The following RASSF8 variants were observed in gnomAD, a reference collection of about 807,000 sequenced individuals.
The protein encoded by RASSF8 is Ras association domain family member 8, also known as ras association domain-containing protein 8.
A neutral mutation model predicts 48.5 loss-of-function variants in RASSF8; 22 were observed. The observed-to-expected ratio is 0.45, with a 90% CI of 0.32 to 0.65. The LOEUF is 0.65. RASSF8 is among the 30% of genes least tolerant of loss of function. The pLI, the probability that RASSF8 is intolerant of heterozygous loss-of-function variation, is 0.03. For synonymous variants in RASSF8, 127 were observed against 171.5 expected, an observed-to-expected ratio of 0.74 and a Z score of 2.03; for missense variants, 418 against 489.2, an observed-to-expected ratio of 0.85 and a Z score of 1.37.
At chr12:25,989,027 A>G (rs777403923) in intron 1 of RASSF8, among the ~76,000 whole-genome samples, 1 of 152,226 alleles carries the variant, frequency 6.6e-6, no homozygotes, top group Non-Finnish European at 1.5e-5. Flanking sequence ...GAATTCTGCA[A>G]ACTCACTGTG....
intron 1 of RASSF8, among the ~76,000 whole-genome samples, chr12:25,985,951 C>T (rs1038985907): frequency 1.3e-5 from 2 of 152,220 alleles, no homozygotes; most frequent in Non-Finnish European, 2.9e-5. Context: ...ACCCCTATTT[C>T]ATGAGATTGT....
intron 2 of RASSF8, among the ~76,000 whole-genome samples, chr12:26,051,981 A>G (rs1943501146): frequency 6.6e-6 from 1 of 152,216 alleles, no homozygotes; most frequent in South Asian, 2.1e-4. Flanking sequence ...AATCCCACCA[A>G]CAAAACTCAC....
At chr12:25,968,322 TC>T (rs1353630876) in intron 1 of RASSF8, among the ~76,000 whole-genome samples, 1 of 152,026 alleles carries the variant, frequency 6.6e-6, no homozygotes, top group Non-Finnish European at 1.5e-5. Flanking sequence ...CATCACTCTT[TC>T]TTTGTTCTTT....
At position 26,069,873 on chromosome 12, in the gene RASSF8, G is replaced by GTA. The variant is rs1198054170; in HGVS notation, c.*1055_*1056insTA. 1.0e-6 allele frequency: 1 copy of GTA among 984,216 alleles called. No individual in the cohort carries two copies. Among genetic ancestry groups the GTA allele is most frequent in the East Asian group, 1.1e-4 (1 of 8,822 alleles). 61.0% of individuals were successfully genotyped at this position (984,216 alleles called of 1,614,324 possible). Reference sequence around the variant, plus strand: ...CTTCCAGTCACTTAGATGGAAAGGAGGTTAAACCTAGGTACTTTTTAGCAA... The same window carrying GTA: ...CTTCCAGTCACTTAGATGGAAAGGAGTAGTTAAACCTAGGTACTTTTTAGCAA... On this transcript the variant is annotated 3_prime_UTR_variant, in exon 6 of 6. Transcript: ENST00000689635.
At chr12:26,015,381 C>T (rs1763184749) in intron 2 of RASSF8, among the ~76,000 whole-genome samples, 1 of 152,166 alleles carries the variant, frequency 6.6e-6, no homozygotes, top group Non-Finnish European at 1.5e-5. Context: ...AATTATCGTT[C>T]CTGCCTGCTG....
At chr12:26,011,937 AG>A (rs1942536236) in intron 2 of RASSF8, 1 of 152,242 alleles carries the variant, frequency 6.6e-6, no homozygotes. Flanking sequence ...GTGTCTTTAA[AG>A]CTTTGTTATT....
chr12:26,001,080 G>T (rs1434083183), intron 2 of RASSF8, among the ~76,000 whole-genome samples: 2 of 150,296 alleles, frequency 1.3e-5, no homozygotes. Flanking sequence ...GACCTCCTGG[G>T]GTCAAGTGAT....
rs143797313 is a variant in RASSF8 at position 25,965,725 on chromosome 12, G to C, written c.-203+6577G>C. The stretch of plus-strand genomic sequence containing the variant: ...CCCGTTTCCTCTAAACCACTGGTCT[G>C]CTGTCACTATAGAGTAGTTCAAATT... On this transcript the variant is annotated intron_variant, in intron 1 of 5. Coordinates refer to ENST00000689635, the MANE Select transcript of RASSF8 (RefSeq NM_001394098.1). 2.9e-3 allele frequency among the ~76,000 whole-genome samples: 448 copies of C among 152,226 alleles called. 3 individuals carry two copies. The highest frequency in any genetic ancestry group is 0.01 in the African/African-American group (434 of 41,528).
In RASSF8 at chr12:25,959,160, CTT is replaced by C. The variant is rs1214132967; in HGVS notation, c.-203+14_-203+15del. The stretch of plus-strand genomic sequence containing the variant: ...AGTTGCGAAACTGAGTAAGTATTAA[CTT>C]TACTTAGCGGCGGCGATCCGGGCTG... On this transcript the variant is annotated intron_variant, in intron 1 of 5. Transcript: ENST00000689635. 1 of 152,020 alleles carries C rather than the reference CTT, an allele frequency of 6.6e-6. No homozygotes were observed. Among genetic ancestry groups the C allele is most frequent in the African/African-American group, 2.4e-5 (1 of 41,438 alleles). 9.4% of individuals were successfully genotyped at this position (152,020 alleles called of 1,614,324 possible). A position where few individuals can be genotyped will look rare whatever the true frequency, so the allele number is the denominator to read the frequency against.
intron 1 of RASSF8, among the ~76,000 whole-genome samples, chr12:25,963,813 G>A (rs1941294175): frequency 6.6e-6 from 1 of 152,190 alleles, no homozygotes; most frequent in African/African-American, 2.4e-5. Flanking sequence ...GAGGAGGAGT[G>A]AGTAGTTTAT....
intron 2 of RASSF8, among the ~76,000 whole-genome samples, chr12:26,034,661 T>C (rs1459504348): frequency 6.6e-6 from 1 of 152,148 alleles, no homozygotes; most frequent in Non-Finnish European, 1.5e-5. Context: ...TTCCTTTTCC[T>C]CCAGCATTTA....
chr12:26,012,383 A>T (rs1244568199), intron 2 of RASSF8, among the ~76,000 whole-genome samples: 3 of 152,206 alleles, frequency 2.0e-5, no homozygotes, highest in Non-Finnish European at 4.4e-5. Flanking sequence ...TTTTCCTCAA[A>T]TAGCAGTGTA....
exon 6 of RASSF8, chr12:26,079,164 C>A: frequency 2.3e-6 from 2 of 881,152 alleles, no homozygotes; most frequent in Non-Finnish European, 3.4e-6. Context: ...AGGAAACGAT[C>A]ACCAAAATGA....
intron 1 of RASSF8, among the ~76,000 whole-genome samples, chr12:25,970,906 G>C (rs1565598316): frequency 6.6e-6 from 1 of 152,208 alleles, no homozygotes; most frequent in Non-Finnish European, 1.5e-5. Context: ...CAGAACACTT[G>C]ACGGTATTAA....
In RASSF8 at chr12:26,072,729, C is replaced by A; in HGVS notation, c.*3911C>A. 3.1e-6 allele frequency: 3 copies of A among 962,502 alleles called. No individual in the cohort carries two copies. The highest frequency in any genetic ancestry group is 2.5e-6 in the Non-Finnish European group (2 of 809,120). 59.6% of individuals were successfully genotyped at this position (962,502 alleles called of 1,614,324 possible). ...CTGCTTTGCTTATGTACAAATAAAT[C>A]TGTAATATGTATTATATGTAATTAT... On this transcript the variant is annotated 3_prime_UTR_variant, in exon 6 of 6. Transcript: ENST00000689635.
At chr12:26,002,505 G>A (rs1371384578) in intron 2 of RASSF8, among the ~76,000 whole-genome samples, 4 of 152,104 alleles carry the variant, frequency 2.6e-5, no homozygotes, top group Non-Finnish European at 4.4e-5. Flanking sequence ...GCCAGGCACA[G>A]TGGCTCACGC....
chr12:25,982,772 T>C (rs1027181646), intron 1 of RASSF8, among the ~76,000 whole-genome samples: 13 of 152,214 alleles, frequency 8.5e-5, no homozygotes, highest in Non-Finnish European at 1.8e-4. Context: ...ACTACTTTCA[T>C]AGTGTATTGT....
At chr12:26,049,846 T>C (rs1591801050) in intron 2 of RASSF8, among the ~76,000 whole-genome samples, 2 of 152,246 alleles carry the variant, frequency 1.3e-5, no homozygotes, top group East Asian at 3.8e-4. Flanking sequence ...TGCAATAGTG[T>C]GATATCTGCT....
intron 2 of RASSF8, among the ~76,000 whole-genome samples, chr12:26,011,975 GTATAACATAT>G (rs1488673973): frequency 6.6e-6 from 1 of 152,184 alleles, no homozygotes; most frequent in Admixed American, 6.5e-5. Context: ...TGTGATATAT[GTATAACATAT>G]AATAACATAT....
Sources: gnomAD v4.1 joint callset for allele counts (sites outside exome capture counted in the v4.1 genomes callset) on GRCh38, gnomAD v4.1.1 for gene constraint, MANE v1.5 for transcripts, NCBI Gene and HGNC (gene_info 2026-07-23, HGNC 2026-07-21) for gene names.